Variants in ASTN1 observed in about 807,000 individuals in gnomAD.
ASTN1 encodes the protein astrotactin-1.
ASTN1 carries 41 observed loss-of-function variants against 140.7 expected under a neutral mutation model. The observed-to-expected ratio is 0.29, with a 90% CI of 0.23 to 0.38. ASTN1 has a LOEUF of 0.38. Ranked by LOEUF, ASTN1 falls within the 10% of genes least tolerant of loss-of-function variation. ASTN1 has a pLI of 1.00. For missense variants in ASTN1, 1,479 were observed against 1,678.8 expected (o/e 0.88, Z 2.08); for synonymous variants, 640 against 652.2 (o/e 0.98, Z 0.29).
At chr1:176,968,236 A>G (rs543792376) in intron 8 of ASTN1, among the ~76,000 whole-genome samples, 1 of 152,380 alleles carries the variant, frequency 6.6e-6, no homozygotes, top group South Asian at 2.1e-4. Context: ...AGTGCGTGGC[A>G]TTTAGTGAGT....
intron 8 of ASTN1, among the ~76,000 whole-genome samples, chr1:177,013,856 C>T (rs1675412810): frequency 6.6e-6 from 1 of 152,100 alleles, no homozygotes; most frequent in Non-Finnish European, 1.5e-5. Context: ...TAACTCTCAA[C>T]ATCTAAAGGA....
chr1:177,136,640 C>A (rs1408730442), intron 1 of ASTN1, among the ~76,000 whole-genome samples: 1 of 152,178 alleles, frequency 6.6e-6, no homozygotes, highest in East Asian at 1.9e-4. Context: ...AGGCGTCAGC[C>A]ACTGTGCCTG....
Position 177,032,470 on chromosome 1 carries a change from A to G in ASTN1, c.851T>C (p.Met284Thr), listed in dbSNP as rs1224812145. ...CCCATCCCCACCTGGTGTGAGGTCC[A>G]TCCCCGACTTTTCATTGCAGCCCTG... ...SLQGCNEKSG[M>T]DLTPGSDNAK... Residue 284 changes from methionine to threonine, a missense_variant, in exon 3 of 23, where the codon ATG becomes ACG. Met to Thr is a moderately conservative substitution (Grantham distance 81). Coordinates refer to ENST00000361833, the MANE Select transcript of ASTN1 (RefSeq NM_004319.3). 1 of 1,613,930 alleles carries G rather than the reference A, an allele frequency of 6.2e-7. No homozygotes were observed. The highest frequency in any genetic ancestry group is 8.5e-7 in the Non-Finnish European group (1 of 1,179,942).
chr1:176,877,349 A>G (rs1317215743), intron 20 of ASTN1, among the ~76,000 whole-genome samples: 1 of 152,138 alleles, frequency 6.6e-6, no homozygotes, highest in Non-Finnish European at 1.5e-5. Flanking sequence ...GTGAGATGCA[A>G]AACAGCCCTA....
intron 21 of ASTN1, among the ~76,000 whole-genome samples, chr1:176,870,994 G>A (rs1024290661): frequency 6.6e-6 from 1 of 152,198 alleles, no homozygotes; most frequent in African/African-American, 2.4e-5. Context: ...CTGCCAGGGT[G>A]AGATGGAGTC....
intron 1 of ASTN1, among the ~76,000 whole-genome samples, chr1:177,135,905 T>C (rs957439093): frequency 6.6e-6 from 1 of 152,204 alleles, no homozygotes; most frequent in African/African-American, 2.4e-5. Context: ...AGGTGATTCA[T>C]ATGCACATTA....
Position 177,164,520 on chromosome 1 carries a change from G to C in ASTN1, c.157C>G (p.Leu53Val). The change falls in exon 1 of 23, where the codon CTG (leucine) becomes GTG (valine). Residue 53 changes from leucine to valine, a missense_variant. Physicochemically the swap from Leu to Val is conservative, Grantham distance 32. Coordinates refer to ENST00000361833, the MANE Select transcript of ASTN1 (RefSeq NM_004319.3). Reference sequence around the variant, plus strand: ...GCCGAGGGGCTGTGCATGATGCTCAGGTCGTTCTCGCGCAGGAAGGGCAGT... The same window carrying C: ...GCCGAGGGGCTGTGCATGATGCTCACGTCGTTCTCGCGCAGGAAGGGCAGT... ...SALPFLRENDLSIMHSPSASE... is the reference protein window; with the variant it reads ...SALPFLRENDVSIMHSPSASE... The C allele has an allele frequency of 6.2e-7, 1 of 1,613,986 alleles. No individual in the cohort carries two copies. The highest frequency in any genetic ancestry group is 8.5e-7 in the Non-Finnish European group (1 of 1,179,954).
At chr1:176,991,793 ATTC>A (rs967778124) in intron 8 of ASTN1, among the ~76,000 whole-genome samples, 5 of 152,214 alleles carry the variant, frequency 3.3e-5, no homozygotes, top group African/African-American at 1.2e-4. Context: ...CCATGTAGTC[ATTC>A]ATTTGACCCT....
Position 177,111,184 on chromosome 1 carries a change from C to T in ASTN1, c.284-49919G>A, listed in dbSNP as rs1317483404. On this transcript the variant is annotated intron_variant, in intron 1 of 22. Transcript: ENST00000361833. ...GATATCTGAGCTCACTGAATTCTCA[C>T]AACCATCCTGGTGTTTCGATTTTAC... Among the ~76,000 whole-genome samples the T allele has an allele frequency of 2.6e-5, 4 of 152,182 alleles. No homozygotes were observed. The East Asian group carries it at 7.7e-4, about 29-fold the overall frequency.
chr1:176,994,601 C>A (rs977118722), intron 8 of ASTN1, among the ~76,000 whole-genome samples: 1 of 152,136 alleles, frequency 6.6e-6, no homozygotes, highest in African/African-American at 2.4e-5. Context: ...CCTTGGCCTC[C>A]CAAAGTGCTG....
rs78315940 is a variant in ASTN1, at chr1:176,897,471, C to A, written c.2672-2641G>T. On this transcript the variant is annotated intron_variant, in intron 16 of 22. Transcript: ENST00000361833. The stretch of plus-strand genomic sequence containing the variant: ...TACGCATTTCCTAACTGACCCGCAG[C>A]CCTCCTTGTTGAGAATTTGTTCGAG... Among the ~76,000 whole-genome samples the A allele has an allele frequency of 4.8e-4, 73 of 152,176 alleles. 1 individual carries two copies. The East Asian group carries it at 0.013, about 28-fold the overall frequency.
rs1410545716 is a variant in ASTN1 at position 176,945,831 on chromosome 1, C to G, written c.2249+95G>C. ...TCCCTTTAGACATATCATATTTACC[C>G]TGCTCCAACATATAAAGCTTTATGC... is the stretch of plus-strand genomic sequence containing the variant. On this transcript the variant is annotated intron_variant, in intron 13 of 22. Coordinates refer to ENST00000361833, the MANE Select transcript of ASTN1 (RefSeq NM_004319.3). The G allele has an allele frequency of 3.9e-6, 5 of 1,282,588 alleles. No homozygotes were observed. In the Admixed American group the frequency reaches 1.1e-4, roughly 28 times the overall value. 79.5% of individuals were successfully genotyped at this position (1,282,588 alleles called of 1,614,324 possible).
At chr1:177,043,202 C>CTCTG (rs1677058917) in intron 2 of ASTN1, among the ~76,000 whole-genome samples, 2 of 152,200 alleles carry the variant, frequency 1.3e-5, no homozygotes, top group African/African-American at 4.8e-5. Flanking sequence ...TGCACACAGA[C>CTCTG]TCTGGTCTGT....
chr1:177,099,899 A>C (rs954784815), intron 1 of ASTN1, among the ~76,000 whole-genome samples: 1 of 152,218 alleles, frequency 6.6e-6, no homozygotes, highest in Non-Finnish European at 1.5e-5. Flanking sequence ...GATTATATGC[A>C]TTTTCATTGA....
chr1:177,107,509 C>A lies in ASTN1; in HGVS notation c.284-46244G>T, dbSNP rs551834996. 2.6e-5 allele frequency among the ~76,000 whole-genome samples: 4 copies of A among 152,186 alleles called. No homozygotes were observed. In the East Asian group the frequency reaches 7.7e-4, roughly 29 times the overall value. On this transcript the variant is annotated intron_variant, in intron 1 of 22. Transcript: ENST00000361833. ...CTTGCTCTGTGCTGAGGGAGGATGA[C>A]TGGTATGGAATTCTACATGGGTCTC...
chr1:176,900,908 A>G (rs942351032), intron 16 of ASTN1, among the ~76,000 whole-genome samples: 3 of 152,226 alleles, frequency 2.0e-5, no homozygotes, highest in Non-Finnish European at 4.4e-5. Context: ...CCACTATAAT[A>G]TCCCACATGC....
At position 176,945,931 on chromosome 1, in the gene ASTN1, T is replaced by A. The variant is rs761302474; in HGVS notation, c.2244A>T (p.Thr748=). 2.5e-6 allele frequency: 4 copies of A among 1,608,736 alleles called. No homozygotes were observed. In the South Asian group the frequency reaches 4.4e-5, roughly 18 times the overall value. ...EVAAGQVLKG[T]FRQNNFARGL... is the part of the protein sequence containing the mutation. Reference sequence around the variant, plus strand: ...TCTATGTATATGAGGTTTACCTGAATGTTCCTTTCAGCACCTGTCCGGCAG... The same window carrying A: ...TCTATGTATATGAGGTTTACCTGAAAGTTCCTTTCAGCACCTGTCCGGCAG... Residue 748 remains threonine (T), a synonymous_variant, in exon 13 of 23, where the codon ACA becomes ACT. Coordinates refer to ENST00000361833, the MANE Select transcript of ASTN1 (RefSeq NM_004319.3).
In ASTN1 at chr1:177,014,808, T is replaced by A. The variant is rs753454740; in HGVS notation, c.1506A>T (p.Glu502Asp). The change falls in exon 8 of 23, where the codon GAA becomes GAT. Residue 502 changes from glutamate (E) to aspartate (D), a missense_variant. Transcript: ENST00000361833. Reference sequence around the variant, plus strand: ...TCACTTACCCCTGGTTTGTCCCCCATTCGTTCCGAATGCAAAGGTGCTTAT... The same window carrying A: ...TCACTTACCCCTGGTTTGTCCCCCAATCGTTCCGAATGCAAAGGTGCTTAT... ...PVHKHLCIRN[E>D]WGTNQGPWPY... 11 of 1,613,594 alleles carry A rather than the reference T, an allele frequency of 6.8e-6. No individual in the cohort carries two copies. In the South Asian group the frequency reaches 1.1e-4, roughly 16 times the overall value.
chr1:176,884,592 C>G lies in ASTN1; in HGVS notation c.3075-102G>C, dbSNP rs1044646441. ...ATACTGTAAGCTTTTCTTTCCCAAC[C>G]AACTACAAAAATGATCTCTTTGAGG... On this transcript the variant is annotated intron_variant, in intron 18 of 22. Coordinates refer to ENST00000361833, the MANE Select transcript of ASTN1 (RefSeq NM_004319.3). The G allele has an allele frequency of 1.1e-4, 146 of 1,317,612 alleles. No homozygotes were observed. The Middle Eastern group carries it at 2.7e-3, about 25-fold the overall frequency. The allele number at this position is 1,317,612 out of a possible 1,614,324, so 81.6% of individuals were successfully genotyped here.
Sources: allele counts gnomAD v4.1 joint callset (sites outside exome capture counted in the v4.1 genomes callset), GRCh38; gene constraint gnomAD v4.1.1; transcripts MANE v1.5; gene names NCBI Gene and HGNC (gene_info 2026-07-23, HGNC 2026-07-21).